FANCB: variants seen among roughly 807,000 people sequenced by gnomAD.
FANCB encodes Fanconi anemia group B protein.
Under a neutral mutation model 38.9 loss-of-function variants are expected in FANCB, and 5 were observed. The ratio of observed to expected loss-of-function variants is 0.13; its 90% CI spans 0.07 to 0.27. The LOEUF (loss-of-function observed/expected upper bound fraction) is 0.27, where lower values mean the gene tolerates loss of function less well. FANCB is among the 10% of genes least tolerant of loss of function. The pLI is 1.00. For synonymous variants in FANCB, 236 were observed against 215.4 expected (o/e 1.10, Z -0.84); for missense variants, 573 against 602.7 (o/e 0.95, Z 0.52).
chrX:14,722,136 C>T, the FANCB span, among the ~76,000 whole-genome samples: 2 of 111,950 alleles, frequency 1.8e-5, no homozygotes, highest in South Asian at 3.7e-4. Context: ...TGGCTTAAAA[C>T]GATAACAAGC....
At chrX:14,755,515 T>C in the FANCB span, among the ~76,000 whole-genome samples, 1 of 111,359 alleles carries the variant, frequency 9.0e-6, no homozygotes, top group South Asian at 3.7e-4. Context: ...CCAAACTTAA[T>C]GGAAAAGAAA....
the FANCB span, among the ~76,000 whole-genome samples, chrX:14,713,146 T>C: frequency 8.9e-6 from 1 of 112,015 alleles, no homozygotes; most frequent in Non-Finnish European, 1.9e-5. Flanking sequence ...GTCAGAATCA[T>C]CCAAGTTAGT....
At chrX:14,698,681 CAAAAAAA>C in the FANCB span, among the ~76,000 whole-genome samples, 83 of 21,143 alleles carry the variant, frequency 3.9e-3, no homozygotes, top group South Asian at 6.0e-3. Flanking sequence ...CTATCTATCT[CAAAAAAA>C]AAAAAAAAAA....
intron 1 of FANCB, 92 bp from the exon 2 acceptor site, chrX:14,869,135 T>C (rs2092483880): frequency 8.9e-6 from 1 of 111,993 alleles, no homozygotes; most frequent in African/African-American, 3.2e-5. Flanking sequence ...TCAGGTTTCC[T>C]AGATTTCTAG....
the FANCB span, among the ~76,000 whole-genome samples, chrX:14,825,159 T>C: frequency 6.2e-5 from 7 of 112,431 alleles, no homozygotes; most frequent in South Asian, 3.6e-4. Flanking sequence ...TTGCCTTTGT[T>C]TATCTGATTT....
At position 14,853,140 on chromosome X, in the gene FANCB, G is replaced by A. The variant is rs750569208; in HGVS notation, c.1225C>T (p.Arg409Trp). 2.6e-5 allele frequency: 31 copies of A among 1,203,098 alleles called. No individual in the cohort carries two copies. Among genetic ancestry groups the A allele is most frequent in the Non-Finnish European group, 3.1e-5 (28 of 890,351 alleles). The stretch of plus-strand genomic sequence containing the variant: ...TTTTCCTTAAGCAACAGATGCTGCC[G>A]TAATTCCCGAAAAGAAGAAAAACAA... ...KVCFSSFREL[R>W]QHLLLKEKII... is the part of the protein sequence containing the mutation. Residue 409 changes from arginine to tryptophan, a missense_variant, in exon 6 of 10, where the codon CGG (arginine) becomes TGG (tryptophan). Arg to Trp is a moderately radical substitution (Grantham distance 101). Coordinates refer to ENST00000650831, the MANE Select transcript of FANCB (RefSeq NM_001018113.3).
chrX:14,707,917 CCAT>C, the FANCB span, among the ~76,000 whole-genome samples: 1 of 110,869 alleles, frequency 9.0e-6, no homozygotes, highest in Non-Finnish European at 1.9e-5. Flanking sequence ...GAAATAATCA[CCAT>C]GATTAAACTA....
the FANCB span, chrX:14,730,318 C>T: frequency 8.3e-7 from 1 of 1,210,787 alleles, no homozygotes; most frequent in Non-Finnish European, 1.1e-6. Flanking sequence ...CAACCCACTC[C>T]CACAACCGCC....
At chrX:14,690,657 CTT>C in the FANCB span, 4 of 883,893 alleles carry the variant, frequency 4.5e-6, no homozygotes, top group Non-Finnish European at 6.6e-6. Context: ...CATAGTCTTT[CTT>C]TCTCTCTCTC....
chrX:14,769,325 C>T, the FANCB span, among the ~76,000 whole-genome samples: 6 of 111,155 alleles, frequency 5.4e-5, no homozygotes, highest in South Asian at 3.8e-4. Flanking sequence ...TATTTATCAC[C>T]GCCTCAATTT....
chrX:14,781,341 C>T, the FANCB span, among the ~76,000 whole-genome samples: 1 of 109,935 alleles, frequency 9.1e-6, no homozygotes, highest in Non-Finnish European at 1.9e-5. Context: ...GGCTGAGGAA[C>T]GAGAATCACT....
chrX:14,810,353 C>G, the FANCB span, among the ~76,000 whole-genome samples: 19 of 109,518 alleles, frequency 1.7e-4, no homozygotes, highest in African/African-American at 6.4e-4. Flanking sequence ...AGGCTTCAGA[C>G]GATCAAACTA....
the FANCB span, among the ~76,000 whole-genome samples, chrX:14,765,028 A>AT: frequency 8.9e-6 from 1 of 112,452 alleles, no homozygotes; most frequent in East Asian, 2.8e-4. Flanking sequence ...ATCGTTTAGC[A>AT]TAAGTATGTC....
At chrX:14,753,979 T>G in the FANCB span, among the ~76,000 whole-genome samples, 2 of 112,434 alleles carry the variant, frequency 1.8e-5, no homozygotes, top group Admixed American at 9.4e-5. Context: ...GGCAGAAGTT[T>G]ACACAGCCGC....
chrX:14,809,396 C>T, the FANCB span, among the ~76,000 whole-genome samples: 20 of 112,423 alleles, frequency 1.8e-4, no homozygotes, highest in East Asian at 8.5e-4. Context: ...ACTCGGGCAG[C>T]GCAAGGGGTC....
At chrX:14,841,831 G>A (rs1331543772), downstream of FANCB, among the ~76,000 whole-genome samples, 1 of 111,573 alleles carries the variant, frequency 9.0e-6, no homozygotes, top group Non-Finnish European at 1.9e-5. Flanking sequence ...AAATACTGGA[G>A]TACAAAATTC....
At chrX:14,760,167 TTAAA>T in the FANCB span, among the ~76,000 whole-genome samples, 1 of 112,000 alleles carries the variant, frequency 8.9e-6, no homozygotes, top group Non-Finnish European at 1.9e-5. Flanking sequence ...AATATTAACC[TTAAA>T]TAAAGAAAGA....
At chrX:14,868,522 T>A (rs2092480441) in intron 2 of FANCB, among the ~76,000 whole-genome samples, 1 of 111,333 alleles carries the variant, frequency 9.0e-6, no homozygotes, top group South Asian at 3.7e-4. Flanking sequence ...TCTAAAATTT[T>A]TTTTAAAAGA....
At chrX:14,742,577 C>T in the FANCB span, among the ~76,000 whole-genome samples, 1 of 111,922 alleles carries the variant, frequency 8.9e-6, no homozygotes, top group Non-Finnish European at 1.9e-5. Context: ...AATACTAGTT[C>T]TCATTTCCCT....
Sources: allele counts gnomAD v4.1 joint callset (sites outside exome capture counted in the v4.1 genomes callset), GRCh38; gene constraint gnomAD v4.1.1; transcripts MANE v1.5; gene names NCBI Gene and HGNC (gene_info 2026-07-23, HGNC 2026-07-21).